PCDH11X: variants seen among roughly 807,000 people sequenced by gnomAD.
PCDH11X encodes protocadherin-11 X-linked.
In PCDH11X, 18 loss-of-function variants were observed where a neutral mutation model predicts 53.3. The ratio of observed to expected loss-of-function variants is 0.34; its 90% CI spans 0.23 to 0.50. PCDH11X has a LOEUF of 0.50. Ranked by LOEUF, PCDH11X falls within the 20% of genes least tolerant of loss-of-function variation. PCDH11X has a pLI of 0.98. For missense variants in PCDH11X, 570 were observed against 1,032.4 expected (o/e 0.55, Z 6.14); for synonymous variants, 279 against 393.3 (o/e 0.71, Z 3.44).
At chrX:91,950,618 A>C (rs1405615354) in intron 6 of PCDH11X, among the ~76,000 whole-genome samples, 1 of 91,521 alleles carries the variant, frequency 1.1e-5, no homozygotes, top group African/African-American at 4.8e-5. Context: ...ACACACACAC[A>C]TATATATCAC....
At chrX:92,298,100 G>A (rs1377448599) in intron 8 of PCDH11X, among the ~76,000 whole-genome samples, 11 of 111,778 alleles carry the variant, frequency 9.8e-5, no homozygotes, top group Non-Finnish European at 3.8e-5. Flanking sequence ...AACAAGGACA[G>A]TTTGACTTGC....
intron 6 of PCDH11X, among the ~76,000 whole-genome samples, chrX:91,947,102 C>T (rs1379916276): frequency 1.9e-5 from 2 of 105,036 alleles, no homozygotes; most frequent in East Asian, 6.2e-4. Flanking sequence ...CCTAAGAATT[C>T]CTCTATATTC....
chrX:92,211,200 T>C (rs771801949), intron 7 of PCDH11X, among the ~76,000 whole-genome samples: 1 of 111,892 alleles, frequency 8.9e-6, no homozygotes, highest in Non-Finnish European at 1.9e-5. Flanking sequence ...CTTCTGCTTC[T>C]GGGGAGGCCT....
chrX:92,284,602 C>T (rs1048504398), intron 8 of PCDH11X, among the ~76,000 whole-genome samples: 8 of 112,212 alleles, frequency 7.1e-5, no homozygotes, highest in East Asian at 2.8e-4. Context: ...TGTCAGAAAA[C>T]GCAGGATGAG....
At chrX:92,284,201 C>G (rs1402835866) in intron 8 of PCDH11X, among the ~76,000 whole-genome samples, 1 of 110,759 alleles carries the variant, frequency 9.0e-6, no homozygotes, top group African/African-American at 3.3e-5. Context: ...AAAATAGTCT[C>G]ATCGTTCTTT....
chrX:92,451,050 G>A (rs1433998105), intron 9 of PCDH11X, among the ~76,000 whole-genome samples: 1 of 109,615 alleles, frequency 9.1e-6, no homozygotes, highest in Non-Finnish European at 1.9e-5. Flanking sequence ...TGATGCATTT[G>A]CTATATCAGA....
At chrX:92,170,539 G>T (rs2065805937) in intron 6 of PCDH11X, among the ~76,000 whole-genome samples, 1 of 110,133 alleles carries the variant, frequency 9.1e-6, no homozygotes, top group Non-Finnish European at 1.9e-5. Flanking sequence ...GAAAGATGAA[G>T]AATTTTACCA....
At chrX:91,815,363 A>T (rs944558049) in intron 4 of PCDH11X, among the ~76,000 whole-genome samples, 4 of 111,976 alleles carry the variant, frequency 3.6e-5, no homozygotes, top group Non-Finnish European at 5.6e-5. Context: ...TGGTCTTGCT[A>T]CAATGGATGT....
rs187384839 is a variant in PCDH11X at position 92,101,649 on chromosome X, G to A, written c.3034-99726G>A. ...ACAGAACGGAAGAAATGACTGCGGA[G>A]GCCTTCTCAGACCCTGTAGGAAAGG... On this transcript the variant is annotated intron_variant, in intron 6 of 10. Coordinates refer to ENST00000682573, the MANE Select transcript of PCDH11X (RefSeq NM_032968.5). 4.7e-3 allele frequency among the ~76,000 whole-genome samples: 519 copies of A among 110,238 alleles called. 1 individual carries two copies. Among genetic ancestry groups the A allele is most frequent in the African/African-American group, 0.016 (471 of 29,846 alleles).
chrX:92,300,526 G>A (rs1291224882), intron 8 of PCDH11X, among the ~76,000 whole-genome samples: 1 of 111,102 alleles, frequency 9.0e-6, no homozygotes, highest in Non-Finnish European at 1.9e-5. Context: ...CACCCGGGCT[G>A]GAATGCAATG....
At chrX:92,271,656 T>C (rs761420877) in intron 8 of PCDH11X, among the ~76,000 whole-genome samples, 77 of 112,273 alleles carry the variant, frequency 6.9e-4, no homozygotes, top group Non-Finnish European at 1.2e-3. Flanking sequence ...ATCAGACTTA[T>C]GTTCCCTGAT....
At chrX:91,825,171 A>G (rs13362962) in intron 4 of PCDH11X, among the ~76,000 whole-genome samples, 9,571 of 106,941 alleles carry the variant, frequency 0.089, 1,702 homozygotes, top group African/African-American at 0.34. Flanking sequence ...TACAGAGGCA[A>G]GCAGGCCTCC....
At chrX:92,274,180 C>T (rs1287552670) in intron 8 of PCDH11X, among the ~76,000 whole-genome samples, 1 of 108,914 alleles carries the variant, frequency 9.2e-6, no homozygotes, top group African/African-American at 3.4e-5. Context: ...TACCTTGTAG[C>T]ATTCTGAGGA....
chrX:92,460,124 T>C (rs2073005232), intron 9 of PCDH11X: 9 of 1,070,055 alleles, frequency 8.4e-6, no homozygotes, highest in Admixed American at 2.2e-5. Context: ...GTTCTGCATA[T>C]TGACAATGCC....
At chrX:91,889,277 A>C (rs2147760378) in intron 6 of PCDH11X, among the ~76,000 whole-genome samples, 1 of 111,748 alleles carries the variant, frequency 8.9e-6, no homozygotes, top group African/African-American at 3.3e-5. Context: ...GCAGAAAATT[A>C]TACTCATCAT....
chrX:92,132,009 C>T (rs1241852718), intron 6 of PCDH11X, among the ~76,000 whole-genome samples: 26 of 106,664 alleles, frequency 2.4e-4, no homozygotes, highest in African/African-American at 8.9e-4. Flanking sequence ...TAGTGGCTCA[C>T]GCCTATAATC....
intron 10 of PCDH11X, among the ~76,000 whole-genome samples, chrX:92,471,400 T>C (rs1233950165): frequency 2.5e-4 from 26 of 103,110 alleles, no homozygotes; most frequent in African/African-American, 9.2e-4. Flanking sequence ...GTAAAAATAA[T>C]GGCCTTAGGC....
rs375474045 is a variant in PCDH11X, at chrX:91,868,921, G to T, written c.541-7860G>T. Among the ~76,000 whole-genome samples the T allele has an allele frequency of 5.8e-4, 65 of 111,219 alleles. No individual in the cohort carries two copies. In the East Asian group the frequency reaches 0.017, roughly 29 times the overall value. On this transcript the variant is annotated intron_variant, in intron 5 of 10. Transcript: ENST00000682573. ...ATGTTCTTAAAGGACCTTTTTACAA[G>T]AAATTTTTAAGAAAATCTTCTAAGA...
chrX:92,618,360 C>T lies in PCDH11X; in HGVS notation c.3464C>T (p.Pro1155Leu), dbSNP rs1380329512. ...GGCCATTCTGATGCCTGCTGGATGC[C>T]GGCATCTCTGGATCATTCCAGCTCT... ...IYGHSDACWM[P>L]ASLDHSSSSQ... Residue 1155 changes from proline to leucine, a missense_variant, in exon 11 of 11, where the codon CCG (proline) becomes CTG (leucine). Around this residue, in one of 6 missense-constraint regions of PCDH11X, gnomAD observed 234 missense variants for 296.1 expected, o/e 0.79. Transcript: ENST00000682573. The T allele has an allele frequency of 1.1e-5, 13 of 1,210,001 alleles. No individual in the cohort carries two copies. The highest frequency in any genetic ancestry group is 3.5e-5 in the South Asian group (2 of 56,808).
Sources: gnomAD v4.1 joint callset for allele counts (sites outside exome capture counted in the v4.1 genomes callset) on GRCh38, gnomAD v4.1.1 for gene constraint, gnomAD v4.1.1 regional missense constraint, MANE v1.5 for transcripts, NCBI Gene and HGNC (gene_info 2026-07-23, HGNC 2026-07-21) for gene names.